The following TMEM231 variants were observed in gnomAD, a reference collection of about 807,000 sequenced individuals.
The protein encoded by TMEM231 is transmembrane protein 231.
A neutral mutation model predicts 38.5 loss-of-function variants in TMEM231; 40 were observed. That is an observed-to-expected ratio of 1.04 (90% confidence interval 0.81 to 1.35). The LOEUF is 1.35. TMEM231 is among the 40% of genes most tolerant of loss of function. The pLI, the probability that TMEM231 is intolerant of heterozygous loss-of-function variation, is 0.00. For missense variants in TMEM231, 420 were observed against 416.9 expected, an observed-to-expected ratio of 1.01 and a Z score of -0.07; for synonymous variants, 199 against 181.7, an observed-to-expected ratio of 1.10 and a Z score of -0.77.
chr16:75,540,746 T>C (rs1056386067), intron 6 of TMEM231, among the ~76,000 whole-genome samples: 5 of 152,212 alleles, frequency 3.3e-5, no homozygotes, highest in African/African-American at 1.2e-4. Context: ...ATCATATGAT[T>C]ATTAAGACAT....
At chr16:75,549,462 G>C (rs1047097768) in intron 2 of TMEM231, among the ~76,000 whole-genome samples, 2 of 152,166 alleles carry the variant, frequency 1.3e-5, no homozygotes, top group Non-Finnish European at 2.9e-5. Context: ...TCCCAGGAGA[G>C]ATGTGGGTAC....
At chr16:75,546,135 G>A (rs897725518) in intron 2 of TMEM231, 181 bp from the exon 3 acceptor site, 90 of 1,527,798 alleles carry the variant, frequency 5.9e-5, no homozygotes, top group Admixed American at 1.6e-4. Flanking sequence ...GACACAAAGT[G>A]CATGGTCCCT....
Position 75,556,206 on chromosome 16 carries a change from C to CCATGAGCTCATAGAGCT in TMEM231, c.3_4insAGCTCTATGAGCTCATG (p.Ala2SerfsTer55), listed in dbSNP as rs1363632615. 1.4e-6 allele frequency: 2 copies of CCATGAGCTCATAGAGCT among 1,442,444 alleles called. No individual in the cohort carries two copies. The highest frequency in any genetic ancestry group is 1.8e-6 in the Non-Finnish European group (2 of 1,104,836). The allele number at this position is 1,442,444 out of a possible 1,614,324, so 89.4% of individuals were successfully genotyped here. ...GGGTGAGAGAAGAGCTCATAGAGCG[C>CCATGAGCTCATAGAGCT]CATGAGCACCGCTCGCAGGCACTCC... On this transcript the variant is annotated frameshift_variant, in exon 1 of 7. Transcript: ENST00000258173. LOFTEE classifies it high-confidence loss of function.
chr16:75,540,246 G>T, intron 6 of TMEM231, 72 bp from the exon 7 acceptor site: 1 of 1,454,252 alleles, frequency 6.9e-7, no homozygotes, highest in Non-Finnish European at 9.2e-7. Flanking sequence ...GGAATTGGCT[G>T]TGGCAGAGGT....
At position 75,556,249 on chromosome 16, in the gene TMEM231, G is replaced by C. The variant is rs114889548; in HGVS notation, c.-40C>G. On this transcript the variant is annotated 5_prime_UTR_variant, in exon 1 of 7. Coordinates refer to ENST00000258173, the MANE Select transcript of TMEM231 (RefSeq NM_001077418.3). The stretch of plus-strand genomic sequence containing the variant: ...GGCACTCCGCGAGCCGGGGGACCAA[G>C]TTTGGCTTCTCCTGGTTGCCATCGC... 427 of 1,392,088 alleles carry C rather than the reference G, an allele frequency of 3.1e-4. No individual in the cohort carries two copies. In the African/African-American group the frequency reaches 5.8e-3, roughly 19 times the overall value. The allele number at this position is 1,392,088 out of a possible 1,614,324, so 86.2% of individuals were successfully genotyped here.
intron 6 of TMEM231, among the ~76,000 whole-genome samples, chr16:75,540,937 C>G (rs895998256): frequency 2.6e-5 from 4 of 152,150 alleles, no homozygotes; most frequent in Non-Finnish European, 2.9e-5. Flanking sequence ...AAGAGAAAAC[C>G]TCCCACGTCT....
chr16:75,554,555 A>AG (rs2151709135), intron 2 of TMEM231, among the ~76,000 whole-genome samples: 2 of 149,226 alleles, frequency 1.3e-5, no homozygotes, highest in South Asian at 2.2e-4. Context: ...CAAAAAAAAA[A>AG]AAAAAAAAGA....
In TMEM231 at chr16:75,545,906, A is replaced by C. The variant is rs2080684448; in HGVS notation, c.358T>G (p.Phe120Val). The C allele has an allele frequency of 1.5e-5, 22 of 1,506,722 alleles. No individual in the cohort carries two copies. The highest frequency in any genetic ancestry group is 2.0e-5 in the Non-Finnish European group (22 of 1,124,220). The allele number at this position is 1,506,722 out of a possible 1,614,324, so 93.3% of individuals were successfully genotyped here. A position where few individuals can be genotyped will look rare whatever the true frequency, so the allele number is the denominator to read the frequency against. The change falls in exon 3 of 7, where the codon TTT (phenylalanine) becomes GTT (valine). Residue 120 changes from phenylalanine to valine, a missense_variant. Coordinates refer to ENST00000258173, the MANE Select transcript of TMEM231 (RefSeq NM_001077418.3). ...GACTGCAGGGGAAGCTCCAGCTTAA[A>C]ATGTAACATGTCCGTCTTCCCATCC... is the stretch of plus-strand genomic sequence containing the variant. ...NQDGKTDMLH[F>V]KLELPLQSTE...
Position 75,537,806 on chromosome 16 carries a change from T to C in TMEM231, c.*2188A>G, listed in dbSNP as rs893982945. On this transcript the variant is annotated 3_prime_UTR_variant, in exon 7 of 7. Coordinates refer to ENST00000258173, the MANE Select transcript of TMEM231 (RefSeq NM_001077418.3). ...GGCCTCTTGCTTTTTATTTACCTCTTGCAGCTATGCTGTGATTCAGAGTCA... is the reference window on the plus strand; with the variant it reads ...GGCCTCTTGCTTTTTATTTACCTCTCGCAGCTATGCTGTGATTCAGAGTCA... 1.3e-5 allele frequency: 2 copies of C among 152,172 alleles called. No homozygotes were observed. The highest frequency in any genetic ancestry group is 4.8e-5 in the African/African-American group (2 of 41,444). The allele number at this position is 152,172 out of a possible 1,614,324, so 9.4% of individuals were successfully genotyped here.
chr16:75,548,412 C>T (rs989663639), intron 2 of TMEM231, among the ~76,000 whole-genome samples: 19 of 152,120 alleles, frequency 1.2e-4, no homozygotes, highest in African/African-American at 1.7e-4. Context: ...TTTGGAAACA[C>T]GCCAGGCACT....
intron 4 of TMEM231, 22 bp from the exon 5 acceptor site, chr16:75,542,705 T>C: frequency 6.2e-7 from 1 of 1,610,370 alleles, no homozygotes; most frequent in Non-Finnish European, 8.5e-7. Context: ...GAGGAGGATG[T>C]GGTGTGAGCA....
rs1481184582 is a variant in TMEM231, at chr16:75,555,992, T to C, written c.140-19A>G. ...CAAAACCCTGAGTTAAAGAGGGCGG[T>C]AGGGAGGCGGTTAGGGAGGCCGGCC... On this transcript the variant is annotated intron_variant, in intron 1 of 6. Coordinates refer to ENST00000258173, the MANE Select transcript of TMEM231 (RefSeq NM_001077418.3). 1 of 1,593,964 alleles carries C rather than the reference T, an allele frequency of 6.3e-7. No individual in the cohort carries two copies.
rs752366571 is a variant in TMEM231, at chr16:75,555,991, G to T, written c.140-18C>A. 3 of 1,594,266 alleles carry T rather than the reference G, an allele frequency of 1.9e-6. No individual in the cohort carries two copies. The highest frequency in any genetic ancestry group is 2.3e-5 in the East Asian group (1 of 43,858). ...CCAAAACCCTGAGTTAAAGAGGGCG[G>T]TAGGGAGGCGGTTAGGGAGGCCGGC... On this transcript the variant is annotated intron_variant, in intron 1 of 6. Coordinates refer to ENST00000258173, the MANE Select transcript of TMEM231 (RefSeq NM_001077418.3).
intron 4 of TMEM231, among the ~76,000 whole-genome samples, chr16:75,544,825 C>T (rs1485904725): frequency 1.3e-5 from 2 of 152,060 alleles, no homozygotes; most frequent in East Asian, 3.9e-4. Context: ...TTTCTCTTCC[C>T]TTCTAGGTGT....
At chr16:75,543,904 T>C (rs766395899) in intron 4 of TMEM231, among the ~76,000 whole-genome samples, 1 of 152,258 alleles carries the variant, frequency 6.6e-6, no homozygotes, top group Non-Finnish European at 1.5e-5. Flanking sequence ...TCTGGGTTTA[T>C]GGCTGTAATA....
rs1394529701 is a variant in TMEM231 at position 75,556,216 on chromosome 16, C to G, written c.-7G>C. ...AGAGCTCATAGAGCGCCATGAGCAC[C>G]GCTCGCAGGCACTCCGCGAGCCGGG... On this transcript the variant is annotated 5_prime_UTR_variant, in exon 1 of 7. Coordinates refer to ENST00000258173, the MANE Select transcript of TMEM231 (RefSeq NM_001077418.3). The G allele has an allele frequency of 7.1e-7, 1 of 1,403,494 alleles. No homozygotes were observed. The highest frequency in any genetic ancestry group is 1.6e-5 in the South Asian group (1 of 63,782). The allele number at this position is 1,403,494 out of a possible 1,614,324, so 86.9% of individuals were successfully genotyped here.
intron 5 of TMEM231, 43 bp from the exon 6 acceptor site, chr16:75,541,498 C>T: frequency 7.3e-7 from 1 of 1,366,792 alleles, no homozygotes; most frequent in Non-Finnish European, 1.0e-6. Context: ...GGCTGTTTGA[C>T]TCTGGCAGTT....
rs1350169092 is a variant in TMEM231 at position 75,539,032 on chromosome 16, GC to G, written c.*961del. The G allele has an allele frequency of 6.6e-6, 1 of 152,226 alleles. No individual in the cohort carries two copies. The highest frequency in any genetic ancestry group is 2.4e-5 in the African/African-American group (1 of 41,456). The allele number at this position is 152,226 out of a possible 1,614,324, so 9.4% of individuals were successfully genotyped here. A position where few individuals can be genotyped will look rare whatever the true frequency, so the allele number is the denominator to read the frequency against. Reference sequence around the variant, plus strand: ...TGTTCCTTAGTCAAGGGAAACGCCAGCCGCTGGGCTTCCCGCTAGCCTTCCA... The same window carrying G: ...TGTTCCTTAGTCAAGGGAAACGCCAGCGCTGGGCTTCCCGCTAGCCTTCCA... On this transcript the variant is annotated 3_prime_UTR_variant, in exon 7 of 7. Coordinates refer to ENST00000258173, the MANE Select transcript of TMEM231 (RefSeq NM_001077418.3).
chr16:75,554,341 G>A (rs1440793534), intron 2 of TMEM231, among the ~76,000 whole-genome samples: 1 of 152,016 alleles, frequency 6.6e-6, no homozygotes, highest in African/African-American at 2.4e-5. Context: ...AAGGCGGGTG[G>A]ATCACCTGAG....
Sources: gnomAD v4.1 joint callset for allele counts (sites outside exome capture counted in the v4.1 genomes callset) on GRCh38, gnomAD v4.1.1 for gene constraint, MANE v1.5 for transcripts, NCBI Gene and HGNC (gene_info 2026-07-23, HGNC 2026-07-21) for gene names.